ABCC9: variants seen among roughly 807,000 people sequenced by gnomAD.
ABCC9 encodes ATP binding cassette subfamily C member 9.
Under a neutral mutation model 188.3 loss-of-function variants are expected in ABCC9, and 95 were observed. The ratio of observed to expected loss-of-function variants is 0.50; its 90% CI spans 0.43 to 0.60. The LOEUF (loss-of-function observed/expected upper bound fraction) is 0.60. Ranked by LOEUF, ABCC9 falls within the 20% of genes least tolerant of loss-of-function variation. The probability of loss-of-function intolerance (pLI) is 0.00; values close to 1 mark genes in which losing one functional copy is unlikely to be tolerated. For missense variants in ABCC9, 1,102 were observed against 1,876.3 expected, an observed-to-expected ratio of 0.59 and a Z score of 7.62; for synonymous variants, 659 against 652.7, an observed-to-expected ratio of 1.01 and a Z score of -0.15.
intron 17 of ABCC9, among the ~76,000 whole-genome samples, chr12:21,874,665 A>G (rs369581828): frequency 4.6e-5 from 7 of 152,164 alleles, no homozygotes; most frequent in African/African-American, 1.7e-4. Context: ...ATGCAATGGG[A>G]TATTATTCAG....
At chr12:21,900,973 G>T (rs1466062410) in intron 12 of ABCC9, among the ~76,000 whole-genome samples, 1 of 152,066 alleles carries the variant, frequency 6.6e-6, no homozygotes, top group South Asian at 2.1e-4. Context: ...GATAATCCTC[G>T]AGAAGAGCAA....
At chr12:21,929,455 T>G (rs1949186163) in intron 4 of ABCC9, among the ~76,000 whole-genome samples, 1 of 152,052 alleles carries the variant, frequency 6.6e-6, no homozygotes, top group Non-Finnish European at 1.5e-5. Context: ...TTACTAGCTT[T>G]AAATGCTTCT....
chr12:21,880,460 A>G (rs892700087), intron 16 of ABCC9, among the ~76,000 whole-genome samples: 8 of 152,294 alleles, frequency 5.3e-5, no homozygotes, highest in Non-Finnish European at 1.0e-4. Context: ...GCCAAGTTAC[A>G]CAGAGTGGGA....
chr12:21,882,206 G>T (rs1005532706), intron 16 of ABCC9, among the ~76,000 whole-genome samples: 1 of 152,058 alleles, frequency 6.6e-6, no homozygotes, highest in Non-Finnish European at 1.5e-5. Flanking sequence ...TTTGACTGCT[G>T]CCGGCAGCTC....
At chr12:21,875,087 A>C (rs368467420) in intron 17 of ABCC9, among the ~76,000 whole-genome samples, 2 of 143,946 alleles carry the variant, frequency 1.4e-5, no homozygotes, top group Non-Finnish European at 3.0e-5. Flanking sequence ...AATAAAATAA[A>C]AGCAGAAGAA....
intron 30 of ABCC9, among the ~76,000 whole-genome samples, chr12:21,833,153 A>C (rs1943871679): frequency 6.6e-6 from 1 of 152,162 alleles, no homozygotes; most frequent in Non-Finnish European, 1.5e-5. Context: ...GGAATAAAAG[A>C]CTACACATTA....
Position 21,838,149 on chromosome 12 carries a change from A to AT in ABCC9, c.3494dup (p.Asp1165GlufsTer2). 6.2e-7 allele frequency: 1 copy of AT among 1,614,092 alleles called. No homozygotes were observed. The highest frequency in any genetic ancestry group is 8.5e-7 in the Non-Finnish European group (1 of 1,179,958). On this transcript the variant is annotated frameshift_variant, in exon 30 of 40. Transcript: ENST00000261200. LOFTEE classifies it high-confidence loss of function. ...GACAGAGCAGAGGGAGCTGGGTACTATCGTCAAGTTCCTGGAGGTCCCTAG... is the reference window on the plus strand; with the variant it reads ...GACAGAGCAGAGGGAGCTGGGTACTATTCGTCAAGTTCCTGGAGGTCCCTAG...
intron 30 of ABCC9, among the ~76,000 whole-genome samples, chr12:21,835,315 G>T (rs540779863): frequency 1.8e-4 from 28 of 152,236 alleles, no homozygotes; most frequent in Non-Finnish European, 3.7e-4. Context: ...TAAGATGAAG[G>T]ACACATTACA....
chr12:21,810,768 T>C (rs1942179937), intron 36 of ABCC9, among the ~76,000 whole-genome samples: 2 of 152,100 alleles, frequency 1.3e-5, no homozygotes, highest in African/African-American at 4.8e-5. Flanking sequence ...ATAAATATAT[T>C]TGGAGATATA....
chr12:21,924,850 A>C (rs1948986379), intron 5 of ABCC9: 1 of 152,102 alleles, frequency 6.6e-6, no homozygotes, highest in African/African-American at 2.4e-5. Flanking sequence ...ATAATTCAAA[A>C]TGTGACAGCC....
At chr12:21,836,668 T>C (rs1565720290) in intron 30 of ABCC9, among the ~76,000 whole-genome samples, 1 of 152,106 alleles carries the variant, frequency 6.6e-6, no homozygotes, top group East Asian at 1.9e-4. Context: ...GGCTGTGAGC[T>C]CCTTAACACA....
In ABCC9 at chr12:21,894,064, C is replaced by T. The variant is rs746239063; in HGVS notation, c.1770G>A (p.Thr590=). Reference sequence around the variant, plus strand: ...TGGCTTTGACTGCAAATCTGACCACCGTGGAGAGCAGGAACAGTGGTGTGA... The same window carrying T: ...TGGCTTTGACTGCAAATCTGACCACTGTGGAGAGCAGGAACAGTGGTGTGA... ...ILVTPLFLLS[T]VVRFAVKAII... is the part of the protein sequence containing the mutation. The change falls in exon 14 of 40, where the codon ACG becomes ACA. Residue 590 remains threonine, a synonymous_variant. Coordinates refer to ENST00000261200, the MANE Select transcript of ABCC9 (RefSeq NM_020297.4). The T allele has an allele frequency of 2.9e-5, 47 of 1,613,868 alleles. No individual in the cohort carries two copies. The highest frequency in any genetic ancestry group is 1.6e-4 in the Middle Eastern group (1 of 6,084).
chr12:21,859,461 A>G (rs1186560198), intron 22 of ABCC9, 125 bp downstream of exon 22: 15 of 923,312 alleles, frequency 1.6e-5, no homozygotes, highest in South Asian at 7.9e-5. Context: ...TATTTCCCCT[A>G]TATACTTTAC....
At chr12:21,895,150 A>G in intron 13 of ABCC9, 125 bp downstream of exon 13, 1 of 780,638 alleles carries the variant, frequency 1.3e-6, no homozygotes, top group Non-Finnish European at 2.1e-6. Flanking sequence ...CTTGCAATGG[A>G]GACTGCCATA....
At chr12:21,903,113 C>A (rs1947853081) in intron 12 of ABCC9, among the ~76,000 whole-genome samples, 1 of 152,140 alleles carries the variant, frequency 6.6e-6, no homozygotes. Flanking sequence ...TGGGCTTCAT[C>A]CCTGGGATGC....
At chr12:21,803,280 G>T (rs1362474254) in intron 39 of ABCC9, among the ~76,000 whole-genome samples, 4 of 151,950 alleles carry the variant, frequency 2.6e-5, no homozygotes, top group Non-Finnish European at 2.9e-5. Context: ...TCTAAAAAAA[G>T]AATTTGGCCT....
rs1161053037 is a variant in ABCC9 at position 21,844,905 on chromosome 12, A to G, written c.3107T>C (p.Val1036Ala). 6.2e-7 allele frequency: 1 copy of G among 1,613,846 alleles called. No homozygotes were observed. The change falls in exon 27 of 40, where the codon GTG (valine) becomes GCG (alanine). Residue 1036 changes from valine to alanine, a missense_variant. Val to Ala is a moderately conservative substitution (Grantham distance 64). Around this residue, in one of 12 missense-constraint regions of ABCC9, gnomAD observed 74 missense variants for 132.7 expected, o/e 0.56. Coordinates refer to ENST00000261200, the MANE Select transcript of ABCC9 (RefSeq NM_020297.4). ...NTGKADQTYY[V>A]AGFSILCGAG... ...TCCACAGAGTATGCTAAAGCCAGCC[A>G]CATAGTAGGTCTAAAAAGCAACCAA...
rs1305992543 is a variant in ABCC9, at chr12:21,800,183, C to T, written c.*861G>A. ...GTTCACCTGCCATTATTAGCAGTGCCAAATGAAGTCACTTGCCTGTGTAAA... is the reference window on the plus strand; with the variant it reads ...GTTCACCTGCCATTATTAGCAGTGCTAAATGAAGTCACTTGCCTGTGTAAA... On this transcript the variant is annotated 3_prime_UTR_variant, in exon 40 of 40. Coordinates refer to ENST00000261200, the MANE Select transcript of ABCC9 (RefSeq NM_020297.4). 1 of 152,128 alleles carries T rather than the reference C, an allele frequency of 6.6e-6. No individual in the cohort carries two copies. Among genetic ancestry groups the T allele is most frequent in the Non-Finnish European group, 1.5e-5 (1 of 68,018 alleles). The allele number at this position is 152,128 out of a possible 1,614,324, so 9.4% of individuals were successfully genotyped here. A position where few individuals can be genotyped will look rare whatever the true frequency, so the allele number is the denominator to read the frequency against.
chr12:21,933,745 T>A (rs770548431), intron 4 of ABCC9, 37 bp downstream of exon 4: 3 of 1,600,530 alleles, frequency 1.9e-6, no homozygotes, highest in Non-Finnish European at 2.6e-6. Context: ...TACCCACTGG[T>A]ATACTGCAGT....
Sources: allele counts gnomAD v4.1 joint callset (sites outside exome capture counted in the v4.1 genomes callset), GRCh38; gene constraint gnomAD v4.1.1; regional missense constraint gnomAD v4.1.1; transcripts MANE v1.5; gene names NCBI Gene and HGNC (gene_info 2026-07-23, HGNC 2026-07-21).